The following ST3GAL1 variants were observed in gnomAD, a reference collection of about 807,000 sequenced individuals.
ST3GAL1 encodes ST3 beta-galactoside alpha-2,3-sialyltransferase 1, also known as CMP-N-acetylneuraminate-beta-galactosamide-alpha-2,3-sialyltransferase 1.
A neutral mutation model predicts 34.1 loss-of-function variants in ST3GAL1; 16 were observed. The observed-to-expected ratio is 0.47, with a 90% CI of 0.32 to 0.71. The LOEUF (loss-of-function observed/expected upper bound fraction) is 0.71. Among genes scored for constraint, ST3GAL1 ranks in the 30% least tolerant of loss-of-function variants. The pLI, the probability that ST3GAL1 is intolerant of heterozygous loss-of-function variation, is 0.04. For synonymous variants in ST3GAL1, 191 were observed against 184.7 expected (o/e 1.03, Z -0.28); for missense variants, 353 against 447.4 (o/e 0.79, Z 1.90).
At chr8:133,486,993 G>C (rs1816627753) in intron 3 of ST3GAL1, among the ~76,000 whole-genome samples, 1 of 152,194 alleles carries the variant, frequency 6.6e-6, no homozygotes, top group Admixed American at 6.5e-5. Context: ...GCCCAGGCTG[G>C]AGTGCAGTGG....
intron 3 of ST3GAL1, among the ~76,000 whole-genome samples, chr8:133,488,870 G>GGT (rs1563709460): frequency 1.3e-5 from 2 of 152,030 alleles, no homozygotes; most frequent in African/African-American, 2.4e-5. Flanking sequence ...TGGCAGACAG[G>GGT]GGGGGCCAGG....
At chr8:133,569,750 C>G (rs1014947966) in intron 1 of ST3GAL1, among the ~76,000 whole-genome samples, 2 of 152,148 alleles carry the variant, frequency 1.3e-5, no homozygotes, top group African/African-American at 4.8e-5. Flanking sequence ...CCTTCCCCAC[C>G]GCAGAGACAA....
chr8:133,563,591 G>A (rs1287321453), intron 1 of ST3GAL1, among the ~76,000 whole-genome samples: 1 of 151,774 alleles, frequency 6.6e-6, no homozygotes, highest in East Asian at 1.9e-4. Flanking sequence ...GTGGCATGGC[G>A]ACCACAGGGT....
intron 2 of ST3GAL1, among the ~76,000 whole-genome samples, chr8:133,512,958 C>T (rs576321649): frequency 2.6e-5 from 4 of 152,126 alleles, no homozygotes; most frequent in South Asian, 4.2e-4. Flanking sequence ...TGGGAGGGTC[C>T]GGATTAGAGG....
chr8:133,523,905 A>G (rs1238391780), intron 2 of ST3GAL1, among the ~76,000 whole-genome samples: 1 of 152,184 alleles, frequency 6.6e-6, no homozygotes, highest in African/African-American at 2.4e-5. Context: ...CCATAATCAT[A>G]AGAGCTTTGT....
At chr8:133,483,540 G>T (rs1268498271) in intron 3 of ST3GAL1, among the ~76,000 whole-genome samples, 1 of 152,136 alleles carries the variant, frequency 6.6e-6, no homozygotes, top group East Asian at 1.9e-4. Context: ...TGTCCTACTC[G>T]CAGGGTTATT....
At chr8:133,487,278 G>T (rs1816641026) in intron 3 of ST3GAL1, among the ~76,000 whole-genome samples, 2 of 127,312 alleles carry the variant, frequency 1.6e-5, no homozygotes, top group African/African-American at 2.9e-5. Flanking sequence ...ACACATATTG[G>T]AAACAATACT....
intron 2 of ST3GAL1, among the ~76,000 whole-genome samples, chr8:133,542,400 C>T (rs536689949): frequency 5.3e-5 from 8 of 152,218 alleles, no homozygotes; most frequent in South Asian, 2.1e-4. Context: ...TTTGGGGCAA[C>T]GTAAATGTCA....
At chr8:133,567,200 T>G (rs559663863) in intron 1 of ST3GAL1, 1 of 152,312 alleles carries the variant, frequency 6.6e-6, no homozygotes, top group Non-Finnish European at 1.5e-5. Context: ...TGTATTTATA[T>G]ACGCAGCCTG....
intron 1 of ST3GAL1, among the ~76,000 whole-genome samples, chr8:133,561,011 C>T (rs749199903): frequency 1.3e-5 from 2 of 151,790 alleles, no homozygotes; most frequent in African/African-American, 4.8e-5. Context: ...CAGCCTGTCA[C>T]GTAGAGTGCA....
intron 1 of ST3GAL1, among the ~76,000 whole-genome samples, chr8:133,557,651 T>A (rs1819091958): frequency 6.6e-6 from 1 of 152,092 alleles, no homozygotes. Context: ...AGTTTGAGAC[T>A]AGCCTGACCA....
Position 133,458,405 on chromosome 8 carries a change from C to T in ST3GAL1, c.*1359G>A, listed in dbSNP as rs1586577108. ...GTGGCAGTTACCATTCCTGGGATGT[C>T]CTTGACCCAGACCCCCAGTGACAGC... On this transcript the variant is annotated 3_prime_UTR_variant, in exon 10 of 10. Transcript: ENST00000522652. 6.6e-6 allele frequency: 1 copy of T among 152,310 alleles called. No individual in the cohort carries two copies. 9.4% of individuals were successfully genotyped at this position (152,310 alleles called of 1,614,324 possible). A position where few individuals can be genotyped will look rare whatever the true frequency, so the allele number is the denominator to read the frequency against.
At chr8:133,559,425 G>A (rs1819153562) in intron 1 of ST3GAL1, among the ~76,000 whole-genome samples, 1 of 152,176 alleles carries the variant, frequency 6.6e-6, no homozygotes, top group African/African-American at 2.4e-5. Context: ...CTTCTATCAG[G>A]TGGTGAAAGA....
chr8:133,545,623 G>C (rs1818654173), intron 2 of ST3GAL1, 151 bp downstream of exon 2: 1 of 152,178 alleles, frequency 6.6e-6, no homozygotes, highest in Non-Finnish European at 1.5e-5. Flanking sequence ...CCTCTTAATG[G>C]CACGTTTCTG....
chr8:133,555,862 T>TG (rs201158247), intron 1 of ST3GAL1, among the ~76,000 whole-genome samples: 1 of 152,144 alleles, frequency 6.6e-6, no homozygotes, highest in East Asian at 1.9e-4. Flanking sequence ...CTACCCATTT[T>TG]TTTTGTTGTT....
In ST3GAL1 at chr8:133,533,502, G is replaced by A. The variant is rs974016481; in HGVS notation, c.-429+12272C>T. Among the ~76,000 whole-genome samples, 6 of 152,184 alleles carry A rather than the reference G, an allele frequency of 3.9e-5. No homozygotes were observed. The East Asian group carries it at 5.8e-4, about 15-fold the overall frequency. ...ATGGGCTTTCTCTCCTATCAGGAGCGAGTTCCTCTGTCTGAACTTCCTGTC... is the reference window on the plus strand; with the variant it reads ...ATGGGCTTTCTCTCCTATCAGGAGCAAGTTCCTCTGTCTGAACTTCCTGTC... On this transcript the variant is annotated intron_variant, in intron 2 of 9. Transcript: ENST00000522652.
In ST3GAL1 at chr8:133,457,658, T is replaced by C. The variant is rs1046239461; in HGVS notation, c.*2106A>G. Reference sequence around the variant, plus strand: ...TTAACACATTCCCCATTCTGAACCTTTGAGAATCTAATAAAAGCTATGGTC... The same window carrying C: ...TTAACACATTCCCCATTCTGAACCTCTGAGAATCTAATAAAAGCTATGGTC... On this transcript the variant is annotated 3_prime_UTR_variant, in exon 10 of 10. Coordinates refer to ENST00000522652, the MANE Select transcript of ST3GAL1 (RefSeq NM_173344.3). The C allele has an allele frequency of 2.6e-5, 4 of 152,240 alleles. No homozygotes were observed. The highest frequency in any genetic ancestry group is 5.9e-5 in the Non-Finnish European group (4 of 68,034). The allele number at this position is 152,240 out of a possible 1,614,324, so 9.4% of individuals were successfully genotyped here.
At position 133,464,768 on chromosome 8, in the gene ST3GAL1, AGGG is replaced by A; in HGVS notation, c.683+7_683+9del. ...CAGAGCAGCGAGGCGGGGCCACAGG[AGGG>A]ACTCACTGGGAAATGGTGCCCGTGG... On this transcript the variant is annotated splice_region_variant and intron_variant, in intron 7 of 9. Coordinates refer to ENST00000522652, the MANE Select transcript of ST3GAL1 (RefSeq NM_173344.3). 6.2e-7 allele frequency: 1 copy of A among 1,609,130 alleles called. No individual in the cohort carries two copies.
At position 133,482,463 on chromosome 8, in the gene ST3GAL1, G is replaced by A. The variant is rs562734597; in HGVS notation, c.-373-5863C>T. Among the ~76,000 whole-genome samples the A allele has an allele frequency of 3.9e-5, 6 of 152,318 alleles. No individual in the cohort carries two copies. The East Asian group carries it at 9.7e-4, about 25-fold the overall frequency. ...CCTCACACCAGCCAAGTGCACAGATGGTGGGAGGAAGAGGCAGATCTGCAG... is the reference window on the plus strand; with the variant it reads ...CCTCACACCAGCCAAGTGCACAGATAGTGGGAGGAAGAGGCAGATCTGCAG... On this transcript the variant is annotated intron_variant, in intron 3 of 9. Transcript: ENST00000522652.
Sources: allele counts gnomAD v4.1 joint callset (sites outside exome capture counted in the v4.1 genomes callset), GRCh38; gene constraint gnomAD v4.1.1; transcripts MANE v1.5; gene names NCBI Gene and HGNC (gene_info 2026-07-23, HGNC 2026-07-21).